The following VPS13B variants were observed in gnomAD, a reference collection of about 807,000 sequenced individuals.
VPS13B encodes the protein intermembrane lipid transfer protein VPS13B.
In VPS13B, 285 loss-of-function variants were observed where a neutral mutation model predicts 426.4. The observed-to-expected ratio is 0.67, with a 90% CI of 0.61 to 0.74. The LOEUF (loss-of-function observed/expected upper bound fraction) is 0.74, where lower values mean the gene tolerates loss of function less well. Ranked by LOEUF, VPS13B falls within the 30% of genes least tolerant of loss-of-function variation. The probability of loss-of-function intolerance (pLI) is 0.00; values close to 1 mark genes in which losing one functional copy is unlikely to be tolerated. For synonymous variants in VPS13B, 1,676 were observed against 1,676.4 expected (o/e 1.00, Z 0.01); for missense variants, 4,537 against 4,782.6 (o/e 0.95, Z 1.51).
At chr8:99,376,453 T>C (rs1306299835) in intron 19 of VPS13B, among the ~76,000 whole-genome samples, 2 of 152,220 alleles carry the variant, frequency 1.3e-5, no homozygotes, top group African/African-American at 4.8e-5. Flanking sequence ...TGGCTGTAAG[T>C]CATGAGGTCG....
intron 33 of VPS13B, among the ~76,000 whole-genome samples, chr8:99,615,593 G>A (rs1588553190): frequency 2.6e-5 from 4 of 152,296 alleles, no homozygotes; most frequent in South Asian, 4.2e-4. Context: ...AAAAGTGTAT[G>A]CTTAAATATG....
chr8:99,764,005 C>G (rs1480157405), intron 39 of VPS13B, among the ~76,000 whole-genome samples: 2 of 152,148 alleles, frequency 1.3e-5, no homozygotes, highest in African/African-American at 2.4e-5. Context: ...TTGAGAATTA[C>G]TTATTTAGGA....
At chr8:99,802,755 T>C (rs1332822684) in intron 43 of VPS13B, among the ~76,000 whole-genome samples, 2 of 152,228 alleles carry the variant, frequency 1.3e-5, no homozygotes, top group Non-Finnish European at 2.9e-5. Flanking sequence ...AGCATTAACA[T>C]GTTTTCCTGC....
chr8:99,238,405 G>C (rs866000044), intron 17 of VPS13B, among the ~76,000 whole-genome samples: 6 of 152,112 alleles, frequency 3.9e-5, no homozygotes, highest in Admixed American at 1.3e-4. Context: ...CCACTCTGGG[G>C]GGATTAGGGG....
Position 99,470,480 on chromosome 8 carries a change from T to C in VPS13B, c.3666+2846T>C, listed in dbSNP as rs544331570. On this transcript the variant is annotated intron_variant, in intron 24 of 61. Transcript: ENST00000357162. Reference sequence around the variant, plus strand: ...AAAGAGTCAAATGGAATTTTAGAACTAAAAAATACAGTACCTGAAGGAAGA... The same window carrying C: ...AAAGAGTCAAATGGAATTTTAGAACCAAAAAATACAGTACCTGAAGGAAGA... Among the ~76,000 whole-genome samples, 12 of 152,094 alleles carry C rather than the reference T, an allele frequency of 7.9e-5. No individual in the cohort carries two copies. In the East Asian group the frequency reaches 2.3e-3, roughly 29 times the overall value.
chr8:99,697,460 A>C (rs1465458108), intron 35 of VPS13B: 1 of 723,336 alleles, frequency 1.4e-6, no homozygotes, highest in Non-Finnish European at 2.5e-6. Flanking sequence ...GGAAATCGAC[A>C]TCCTCAGCGA....
intron 35 of VPS13B, among the ~76,000 whole-genome samples, chr8:99,683,025 A>T (rs953636786): frequency 2.0e-5 from 3 of 152,174 alleles, no homozygotes; most frequent in Admixed American, 1.3e-4. Context: ...TAAATCCAGG[A>T]TTCATTTTGA....
intron 17 of VPS13B, among the ~76,000 whole-genome samples, chr8:99,259,980 A>G (rs746786065): frequency 3.9e-5 from 6 of 152,022 alleles, no homozygotes; most frequent in Non-Finnish European, 8.8e-5. Context: ...AAAATAATTG[A>G]AGAAGTAAAA....
At chr8:99,564,690 G>T (rs141912039) in intron 31 of VPS13B, among the ~76,000 whole-genome samples, 12 of 152,288 alleles carry the variant, frequency 7.9e-5, no homozygotes, top group African/African-American at 2.9e-4. Context: ...TGTTGTTAAG[G>T]TTCCTCTTTT....
At position 99,316,111 on chromosome 8, in the gene VPS13B, T is replaced by G. The variant is rs1406483205; in HGVS notation, c.2824+40857T>G. 2.6e-5 allele frequency among the ~76,000 whole-genome samples: 4 copies of G among 152,194 alleles called. No homozygotes were observed. In the East Asian group the frequency reaches 7.7e-4, roughly 29 times the overall value. On this transcript the variant is annotated intron_variant, in intron 19 of 61. Transcript: ENST00000357162. ...CTGGTGCTCTGGAAGGCAGGGTTGC[T>G]TTCAGTGTCAGTGGTGTAGGCTTGC...
At chr8:99,538,115 C>G (rs942537972) in intron 30 of VPS13B, among the ~76,000 whole-genome samples, 3 of 152,060 alleles carry the variant, frequency 2.0e-5, no homozygotes, top group Non-Finnish European at 1.5e-5. Flanking sequence ...CCCACAATTA[C>G]CTGTGGGTAT....
At chr8:99,199,639 T>C (rs1244034985) in intron 17 of VPS13B, among the ~76,000 whole-genome samples, 2 of 152,194 alleles carry the variant, frequency 1.3e-5, no homozygotes, top group African/African-American at 2.4e-5. Flanking sequence ...ATCTGGAACC[T>C]AATTCTGTTT....
At chr8:99,135,551 C>A in intron 10 of VPS13B, 45 bp from the exon 11 acceptor site, 1 of 1,600,164 alleles carries the variant, frequency 6.2e-7, no homozygotes, top group South Asian at 1.1e-5. Flanking sequence ...GTTTAACAGG[C>A]TAATGGTTTT....
chr8:99,429,354 T>G (rs1409797335), intron 21 of VPS13B, among the ~76,000 whole-genome samples: 1 of 152,118 alleles, frequency 6.6e-6, no homozygotes, highest in Non-Finnish European at 1.5e-5. Flanking sequence ...GATATCTTAA[T>G]TTTTATTTCT....
intron 34 of VPS13B, among the ~76,000 whole-genome samples, chr8:99,643,599 G>T (rs1338305293): frequency 1.3e-5 from 2 of 152,168 alleles, no homozygotes; most frequent in African/African-American, 4.8e-5. Flanking sequence ...CAGGCTGCTT[G>T]CTGGCCCTCT....
chr8:99,864,999 T>C (rs952531612), intron 58 of VPS13B, among the ~76,000 whole-genome samples: 1 of 152,168 alleles, frequency 6.6e-6, no homozygotes, highest in Non-Finnish European at 1.5e-5. Context: ...GGGGACACTA[T>C]GGAGCATTAT....
At chr8:99,563,434 G>A (rs1245883278) in intron 31 of VPS13B, among the ~76,000 whole-genome samples, 2 of 152,046 alleles carry the variant, frequency 1.3e-5, no homozygotes, top group Non-Finnish European at 2.9e-5. Flanking sequence ...CATATACATA[G>A]GAGATCTTAG....
At chr8:99,654,184 GACTA>G (rs1656053586) in intron 34 of VPS13B, among the ~76,000 whole-genome samples, 1 of 151,998 alleles carries the variant, frequency 6.6e-6, no homozygotes, top group South Asian at 2.1e-4. Context: ...TAGTAGCTGG[GACTA>G]TAGGCGCCCG....
chr8:99,415,804 C>A (rs998786039), intron 21 of VPS13B, among the ~76,000 whole-genome samples: 2 of 152,202 alleles, frequency 1.3e-5, no homozygotes, highest in African/African-American at 4.8e-5. Flanking sequence ...CCCAGAGGGG[C>A]ACCCACCAGA....
Sources: allele counts gnomAD v4.1 joint callset (sites outside exome capture counted in the v4.1 genomes callset), GRCh38; gene constraint gnomAD v4.1.1; transcripts MANE v1.5; gene names NCBI Gene and HGNC (gene_info 2026-07-23, HGNC 2026-07-21).